NREP: variants seen among roughly 807,000 people sequenced by gnomAD.
The protein encoded by NREP is neuronal regeneration-related protein.
In NREP, 5 loss-of-function variants were observed where a neutral mutation model predicts 8.6. The ratio of observed to expected loss-of-function variants is 0.58; its 90% CI spans 0.30 to 1.22. NREP has a LOEUF of 1.22. NREP is among the 50% of genes most tolerant of loss of function. The probability of loss-of-function intolerance (pLI) is 0.07; values close to 1 mark genes in which losing one functional copy is unlikely to be tolerated. For synonymous variants in NREP, 27 were observed against 28.0 expected, an observed-to-expected ratio of 0.96 and a Z score of 0.11; for missense variants, 86 against 82.5, an observed-to-expected ratio of 1.04 and a Z score of -0.17.
chr5:111,844,624 G>A (rs1416077580), intron 2 of NREP, among the ~76,000 whole-genome samples: 1 of 146,534 alleles, frequency 6.8e-6, no homozygotes, highest in Non-Finnish European at 1.5e-5. Context: ...TGAATATTTA[G>A]TTGATATACA....
intron 2 of NREP, among the ~76,000 whole-genome samples, chr5:111,768,417 GTTATA>G (rs1411903600): frequency 3.3e-5 from 5 of 152,088 alleles, no homozygotes; most frequent in African/African-American, 9.7e-5. Context: ...TTGTTACCTG[GTTATA>G]TTGTGTGGTA....
rs1013233708 is a variant in NREP at position 111,783,602 on chromosome 5, C to G, written c.136-48095G>C. On this transcript the variant is annotated intron_variant, in intron 2 of 3. Transcript: ENST00000395634. ...ATTTTGTTCTGTTTTATTGATGTCC[C>G]TTCTCCATCTGAGGAAGTTTCCTAC... Among the ~76,000 whole-genome samples, 3 of 152,156 alleles carry G rather than the reference C, an allele frequency of 2.0e-5. No individual in the cohort carries two copies. In the South Asian group the frequency reaches 6.2e-4, roughly 32 times the overall value.
intron 2 of NREP, among the ~76,000 whole-genome samples, chr5:111,810,014 G>A (rs1055333447): frequency 1.3e-4 from 19 of 151,776 alleles, no homozygotes; most frequent in African/African-American, 4.6e-4. Flanking sequence ...AGACAGCAGT[G>A]ATCCAGGAAC....
chr5:111,884,166 C>G (rs1387736678), intron 2 of NREP, among the ~76,000 whole-genome samples: 1 of 151,806 alleles, frequency 6.6e-6, no homozygotes, highest in Non-Finnish European at 1.5e-5. Context: ...CACAGAAATA[C>G]AAACTACCAT....
chr5:111,876,585 C>G (rs560964210), intron 2 of NREP, among the ~76,000 whole-genome samples: 3 of 152,044 alleles, frequency 2.0e-5, no homozygotes, highest in Non-Finnish European at 4.4e-5. Context: ...TTCAACTTCA[C>G]AAAACAAAAC....
At chr5:111,766,011 A>AG (rs1751073672) in intron 2 of NREP, among the ~76,000 whole-genome samples, 1 of 96,828 alleles carries the variant, frequency 1.0e-5, no homozygotes, top group Non-Finnish European at 2.6e-5. Flanking sequence ...AAATATTGTC[A>AG]GAAAACTAAA....
At chr5:111,734,244 G>T (rs897000963) in intron 3 of NREP, 1 of 153,374 alleles carries the variant, frequency 6.5e-6, no homozygotes, top group Non-Finnish European at 1.5e-5. Context: ...TAATGTGAAG[G>T]CCTCAGCTGC....
intron 1 of NREP, among the ~76,000 whole-genome samples, chr5:111,756,889 CA>C (rs993709070): frequency 6.6e-6 from 1 of 152,172 alleles, no homozygotes; most frequent in African/African-American, 2.4e-5. Context: ...CACCCCTTCC[CA>C]AAAGAATTCA....
intron 3 of NREP, chr5:111,732,581 A>G (rs1748690500): frequency 6.6e-6 from 1 of 151,952 alleles, no homozygotes; most frequent in Non-Finnish European, 1.5e-5. Context: ...TTCAATTTCC[A>G]AAAGCATAAT....
intron 2 of NREP, among the ~76,000 whole-genome samples, chr5:111,877,358 C>G (rs1753934034): frequency 6.6e-6 from 1 of 152,232 alleles, no homozygotes; most frequent in Non-Finnish European, 1.5e-5. Context: ...TATTCACACT[C>G]ATGAAAACCC....
intron 2 of NREP, among the ~76,000 whole-genome samples, chr5:111,882,008 G>A (rs1754091017): frequency 6.6e-6 from 1 of 152,160 alleles, no homozygotes; most frequent in African/African-American, 2.4e-5. Flanking sequence ...GAGAGAAGAA[G>A]GCTTCAGATG....
chr5:111,905,700 A>T (rs1218692592), intron 2 of NREP, among the ~76,000 whole-genome samples: 1 of 152,174 alleles, frequency 6.6e-6, no homozygotes, highest in Non-Finnish European at 1.5e-5. Context: ...CAAGTGAAAC[A>T]AAACACCAAA....
chr5:111,897,097 C>T (rs528395), intron 2 of NREP, among the ~76,000 whole-genome samples: 150,311 of 152,288 alleles, frequency 0.99, 74,214 homozygotes, highest in East Asian at 1. Flanking sequence ...TAATAAACTA[C>T]AAATTATTAC....
At chr5:111,846,442 T>TTTTTTTTTTTC (rs1753176047) in intron 2 of NREP, 1 of 123,458 alleles carries the variant, frequency 8.1e-6, no homozygotes, top group Non-Finnish European at 1.7e-5. Flanking sequence ...TTTTTTTTTT[T>TTTTTTTTTTTC]TTTGTCTAAA....
At chr5:111,781,170 C>T (rs533814817) in intron 2 of NREP, among the ~76,000 whole-genome samples, 18 of 152,204 alleles carry the variant, frequency 1.2e-4, no homozygotes, top group Admixed American at 1.0e-3. Flanking sequence ...TGATAGGCCC[C>T]AGTGTCTGTT....
intron 2 of NREP, among the ~76,000 whole-genome samples, chr5:111,933,021 G>C (rs1209916506): frequency 6.6e-6 from 1 of 152,066 alleles, no homozygotes; most frequent in Non-Finnish European, 1.5e-5. Flanking sequence ...ATCCTTCAGA[G>C]AGGGAGCTTT....
intron 2 of NREP, among the ~76,000 whole-genome samples, chr5:111,936,421 A>C (rs1391980365): frequency 1.3e-5 from 2 of 151,996 alleles, no homozygotes; most frequent in Non-Finnish European, 2.9e-5. Flanking sequence ...GTTTCCTGAG[A>C]CCTATCCAGC....
chr5:111,945,424 C>A lies in NREP; in HGVS notation c.135+29850G>T, dbSNP rs1485356407. ...ATTAGGTATATCTCCTAATGCTATC[C>A]CTCACCCCTCCCCCCACCCCACAAC... On this transcript the variant is annotated intron_variant, in intron 2 of 3. Coordinates refer to the NREP transcript ENST00000395634. 2.1e-5 allele frequency among the ~76,000 whole-genome samples: 3 copies of A among 143,164 alleles called. No homozygotes were observed. In the East Asian group the frequency reaches 6.3e-4, roughly 30 times the overall value. 93.9% of individuals were successfully genotyped at this position (143,164 alleles called of 152,430 possible).
rs371495155 is a variant in NREP at position 111,916,471 on chromosome 5, G to A, written c.135+58803C>T. 2.4e-4 allele frequency among the ~76,000 whole-genome samples: 37 copies of A among 152,232 alleles called. No homozygotes were observed. The South Asian group carries it at 7.5e-3, about 31-fold the overall frequency. On this transcript the variant is annotated intron_variant, in intron 2 of 3. Coordinates refer to the NREP transcript ENST00000395634. Reference sequence around the variant, plus strand: ...CCACAGTAGACCTTCCCCAGTCCTAGATGGAGTACCCTATCATCACATCTC... The same window carrying A: ...CCACAGTAGACCTTCCCCAGTCCTAAATGGAGTACCCTATCATCACATCTC...
Sources: gnomAD v4.1 joint callset for allele counts (sites outside exome capture counted in the v4.1 genomes callset) on GRCh38, gnomAD v4.1.1 for gene constraint, MANE v1.5 for transcripts, NCBI Gene and HGNC (gene_info 2026-07-23, HGNC 2026-07-21) for gene names.